LAMA1: variants seen among roughly 807,000 people sequenced by gnomAD.
LAMA1 encodes the protein laminin subunit alpha 1, also known as laminin subunit alpha-1.
LAMA1 carries 219 observed loss-of-function variants against 348.7 expected under a neutral mutation model. That is an observed-to-expected ratio of 0.63 (90% CI 0.56 to 0.70). The LOEUF is 0.70. LAMA1 is among the 30% of genes least tolerant of loss of function. The probability of loss-of-function intolerance (pLI) is 0.00; values close to 1 mark genes in which losing one functional copy is unlikely to be tolerated. For synonymous variants in LAMA1, 1,487 were observed against 1,491.0 expected, an observed-to-expected ratio of 1.00 and a Z score of 0.06; for missense variants, 3,744 against 3,888.0, an observed-to-expected ratio of 0.96 and a Z score of 0.99.
At chr18:6,973,653 CCTTGA>C (rs2057668515) in intron 46 of LAMA1, among the ~76,000 whole-genome samples, 1 of 152,184 alleles carries the variant, frequency 6.6e-6, no homozygotes, top group Non-Finnish European at 1.5e-5. Flanking sequence ...TATTTTCTGT[CCTTGA>C]CTTAAGTGCA....
intron 3 of LAMA1, among the ~76,000 whole-genome samples, chr18:7,056,351 G>C (rs2058081922): frequency 6.6e-6 from 1 of 152,194 alleles, no homozygotes; most frequent in African/African-American, 2.4e-5. Context: ...ATCTGAAACA[G>C]AATGTAATTA....
rs1472048672 is a variant in LAMA1 at position 6,977,775 on chromosome 18, T to C, written c.6297A>G (p.Leu2099=). The C allele has an allele frequency of 1.9e-6, 3 of 1,614,182 alleles. No homozygotes were observed. Among genetic ancestry groups the C allele is most frequent in the Non-Finnish European group, 2.5e-6 (3 of 1,180,042 alleles). Residue 2099 remains leucine, a synonymous_variant, in exon 44 of 63, where the codon CTA becomes CTG. Transcript: ENST00000389658. ...KMLEENLSRN[L]SEIKLLISQA... is the part of the protein sequence containing the mutation. ...GGCTGATCAACAGTTTAATTTCTGA[T>C]AGGTTTCTGCTCAGATTCTCCTCTA... is the stretch of plus-strand genomic sequence containing the variant.
At chr18:6,956,487 C>T in intron 56 of LAMA1, 149 bp downstream of exon 56, 1 of 1,342,238 alleles carries the variant, frequency 7.5e-7, no homozygotes, top group Non-Finnish European at 1.1e-6. Context: ...CCTCCCTGTC[C>T]CCGCTCTGAT....
chr18:7,039,049 A>G (rs539735691), intron 10 of LAMA1, 99 bp from the exon 11 acceptor site: 1 of 974,734 alleles, frequency 1.0e-6, no homozygotes, highest in South Asian at 1.3e-5. Flanking sequence ...ATCCACAGAG[A>G]CAGGTGAATA....
chr18:7,063,729 A>C (rs1405609601), intron 3 of LAMA1, among the ~76,000 whole-genome samples: 2 of 152,242 alleles, frequency 1.3e-5, no homozygotes, highest in African/African-American at 4.8e-5. Context: ...GACATTATGT[A>C]CGCTAAGTGA....
intron 1 of LAMA1, among the ~76,000 whole-genome samples, chr18:7,105,049 G>A (rs1598322336): frequency 2.6e-5 from 4 of 152,158 alleles, no homozygotes; most frequent in Non-Finnish European, 2.9e-5. Flanking sequence ...AAAATGGCTC[G>A]TTTTGTTGGG....
In LAMA1 at chr18:7,037,615, T is replaced by C; in HGVS notation, c.1700A>G (p.Tyr567Cys). 6 of 1,614,128 alleles carry C rather than the reference T, an allele frequency of 3.7e-6. No individual in the cohort carries two copies. The highest frequency in any genetic ancestry group is 5.1e-6 in the Non-Finnish European group (6 of 1,180,028). The change falls in exon 12 of 63, where the codon TAC becomes TGC. Residue 567 changes from tyrosine (Y) to cysteine (C), a missense_variant. By Grantham distance (194) the Tyr-to-Cys change is radical (BLOSUM62 -2). Transcript: ENST00000389658. ...GTAGGCCTCGGGGGCTGCCCAGTAGTACTTGGGAGCCAGTCTCTGCATGAC... is the reference window on the plus strand; with the variant it reads ...GTAGGCCTCGGGGGCTGCCCAGTAGCACTTGGGAGCCAGTCTCTGCATGAC... ...TAVMQRLAPKYYWAAPEAYLG... is the reference protein window; with the variant it reads ...TAVMQRLAPKCYWAAPEAYLG...
chr18:6,972,986 C>A, intron 47 of LAMA1, 71 bp downstream of exon 47: 2 of 1,565,754 alleles, frequency 1.3e-6, no homozygotes, highest in Non-Finnish European at 1.8e-6. Context: ...CCACCACGCC[C>A]GGCCCATGAC....
rs111749663 is a variant in LAMA1, at chr18:7,115,669, TA to T, written c.61+1990del. 7.3e-3 allele frequency among the ~76,000 whole-genome samples: 1,001 copies of T among 137,212 alleles called. 8 individuals carry two copies. The highest frequency in any genetic ancestry group is 0.059 in the East Asian group (283 of 4,764). 90.0% of individuals were successfully genotyped at this position (137,212 alleles called of 152,430 possible). ...ATTCATGGGGCACAAAATCGTTTCTTAAAAAAAAAAAAAAAATCAGGCCGGG... is the reference window on the plus strand; with the variant it reads ...ATTCATGGGGCACAAAATCGTTTCTTAAAAAAAAAAAAAAATCAGGCCGGG... On this transcript the variant is annotated intron_variant, in intron 1 of 62. Coordinates refer to ENST00000389658, the MANE Select transcript of LAMA1 (RefSeq NM_005559.4).
chr18:7,072,892 C>G (rs1003046632), intron 3 of LAMA1, among the ~76,000 whole-genome samples: 7 of 152,184 alleles, frequency 4.6e-5, no homozygotes, highest in Admixed American at 6.5e-5. Flanking sequence ...GGCAGGACTT[C>G]TCCCATGTCT....
chr18:7,036,824 A>G (rs1339126902), intron 12 of LAMA1, among the ~76,000 whole-genome samples: 4 of 152,198 alleles, frequency 2.6e-5, no homozygotes, highest in African/African-American at 9.7e-5. Context: ...ACAAGACTAC[A>G]CTAGCATGCC....
intron 34 of LAMA1, 123 bp from the exon 35 acceptor site, chr18:6,993,875 T>C (rs2057769219): frequency 2.8e-6 from 2 of 725,042 alleles, no homozygotes; most frequent in South Asian, 2.9e-5. Context: ...TTCCAGAATA[T>C]AGAGTAAAGA....
chr18:7,007,329 G>A (rs949679617), intron 28 of LAMA1, 53 bp from the exon 29 acceptor site: 35 of 1,562,744 alleles, frequency 2.2e-5, no homozygotes, highest in Admixed American at 5.4e-5. Context: ...AGTGAGTGAA[G>A]GACTTGAATA....
intron 57 of LAMA1, among the ~76,000 whole-genome samples, chr18:6,952,316 C>T (rs2057550539): frequency 6.6e-6 from 1 of 152,146 alleles, no homozygotes; most frequent in South Asian, 2.1e-4. Flanking sequence ...ACAGGGGTCT[C>T]GAGTAACTCT....
intron 43 of LAMA1, 81 bp from the exon 44 acceptor site, chr18:6,977,962 GCA>G: frequency 6.7e-7 from 1 of 1,486,436 alleles, no homozygotes; most frequent in Non-Finnish European, 9.3e-7. Flanking sequence ...CATTAACAAT[GCA>G]CTTGGTAAAA....
chr18:6,962,281 C>T (rs1176157250), intron 51 of LAMA1, among the ~76,000 whole-genome samples: 3 of 151,942 alleles, frequency 2.0e-5, no homozygotes, highest in African/African-American at 7.2e-5. Flanking sequence ...ATTAGCCAGG[C>T]ATGGTAGCAT....
intron 3 of LAMA1, among the ~76,000 whole-genome samples, chr18:7,061,699 A>G (rs1232842711): frequency 1.3e-5 from 2 of 152,166 alleles, no homozygotes; most frequent in Non-Finnish European, 2.9e-5. Context: ...CAAATCTGTC[A>G]TGGAGATTGG....
At chr18:7,018,123 A>G (rs1443465300) in intron 19 of LAMA1, among the ~76,000 whole-genome samples, 1 of 151,892 alleles carries the variant, frequency 6.6e-6, no homozygotes, top group Non-Finnish European at 1.5e-5. Context: ...ATCACCTGAG[A>G]TCAGGCGTTC....
chr18:7,115,814 C>CAAAAAAAAAAAAAAAAAAAAAAA (rs557585224), intron 1 of LAMA1, among the ~76,000 whole-genome samples: 17 of 94,814 alleles, frequency 1.8e-4, no homozygotes, highest in Non-Finnish European at 2.4e-4. Flanking sequence ...ACTAAAAATA[C>CAAAAAAAAAAAAAAAAAAAAAAA]AAAAAAAAAA....
Sources: allele counts gnomAD v4.1 joint callset (sites outside exome capture counted in the v4.1 genomes callset), GRCh38; gene constraint gnomAD v4.1.1; transcripts MANE v1.5; gene names NCBI Gene and HGNC (gene_info 2026-07-23, HGNC 2026-07-21).